Variants in ERBB4 observed in about 807,000 individuals in gnomAD.
ERBB4 encodes receptor tyrosine-protein kinase erbB-4.
A neutral mutation model predicts 158.0 loss-of-function variants in ERBB4; 42 were observed. The observed-to-expected ratio is 0.27, with a 90% CI of 0.21 to 0.34. The LOEUF (loss-of-function observed/expected upper bound fraction) is 0.34. Ranked by LOEUF, ERBB4 falls within the 10% of genes least tolerant of loss-of-function variation. The pLI is 1.00. For synonymous variants in ERBB4, 583 were observed against 558.7 expected (o/e 1.04, Z -0.61); for missense variants, 1,333 against 1,624.1 (o/e 0.82, Z 3.08).
At chr2:212,026,949 TTAA>T (rs1470341162) in intron 2 of ERBB4, among the ~76,000 whole-genome samples, 3 of 151,934 alleles carry the variant, frequency 2.0e-5, no homozygotes, top group African/African-American at 4.8e-5. Flanking sequence ...AACATACTAT[TTAA>T]TAATGTTATA....
intron 1 of ERBB4, among the ~76,000 whole-genome samples, chr2:212,181,866 G>T (rs2081877045): frequency 6.6e-6 from 1 of 151,478 alleles, no homozygotes; most frequent in Non-Finnish European, 1.5e-5. Flanking sequence ...ACCCACAAAG[G>T]GGCAGTTACT....
At chr2:211,667,887 T>C (rs1559398148) in intron 14 of ERBB4, among the ~76,000 whole-genome samples, 1 of 152,244 alleles carries the variant, frequency 6.6e-6, no homozygotes, top group African/African-American at 2.4e-5. Flanking sequence ...TTTTGTTCTT[T>C]GTTTTTTAAG....
chr2:212,329,404 G>GA (rs1293684496), intron 1 of ERBB4, among the ~76,000 whole-genome samples: 1 of 152,038 alleles, frequency 6.6e-6, no homozygotes, highest in Non-Finnish European at 1.5e-5. Context: ...CACTGTAATG[G>GA]AAAAACAGTA....
intron 1 of ERBB4, among the ~76,000 whole-genome samples, chr2:212,425,440 T>TATA (rs2091893166): frequency 7.8e-6 from 1 of 127,732 alleles, no homozygotes; most frequent in African/African-American, 3.7e-5. Flanking sequence ...CCTTATATAT[T>TATA]TATACAATAA....
chr2:211,849,406 T>C (rs985026111), intron 3 of ERBB4, among the ~76,000 whole-genome samples: 4 of 152,140 alleles, frequency 2.6e-5, no homozygotes, highest in East Asian at 1.9e-4. Context: ...CCTACTTCTA[T>C]ATTACAATTA....
At chr2:211,479,827 CAATAT>C (rs2065039785) in intron 20 of ERBB4, among the ~76,000 whole-genome samples, 1 of 152,218 alleles carries the variant, frequency 6.6e-6, no homozygotes, top group Admixed American at 6.6e-5. Context: ...GCTCAAATTA[CAATAT>C]GTTATATATG....
intron 2 of ERBB4, among the ~76,000 whole-genome samples, chr2:212,084,451 CAAAT>C (rs1350187351): frequency 6.6e-6 from 1 of 151,852 alleles, no homozygotes; most frequent in Non-Finnish European, 1.5e-5. Context: ...CTCAGATTCT[CAAAT>C]AAAGAAAATT....
In ERBB4 at chr2:211,383,527, G is replaced by C. The variant is rs2062614253; in HGVS notation, c.*88C>G. 9.3e-7 allele frequency: 1 copy of C among 1,079,594 alleles called. No individual in the cohort carries two copies. Among genetic ancestry groups the C allele is most frequent in the Non-Finnish European group, 1.4e-6 (1 of 701,378 alleles). 66.9% of individuals were successfully genotyped at this position (1,079,594 alleles called of 1,614,324 possible). On this transcript the variant is annotated 3_prime_UTR_variant, in exon 28 of 28. Coordinates refer to ENST00000342788, the MANE Select transcript of ERBB4 (RefSeq NM_005235.3). Reference sequence around the variant, plus strand: ...GGGAAGTGTCAAAACTACTGGCCTTGGGGTAGAAGGAAGACCACCAGAGAA... The same window carrying C: ...GGGAAGTGTCAAAACTACTGGCCTTCGGGTAGAAGGAAGACCACCAGAGAA...
In ERBB4 at chr2:212,424,702, A is replaced by AT. The variant is rs556802850; in HGVS notation, c.82+113746dup. Among the ~76,000 whole-genome samples the AT allele has an allele frequency of 7.2e-3, 1,090 of 151,658 alleles. 14 individuals are homozygous for AT. The highest frequency in any genetic ancestry group is 0.025 in the African/African-American group (1,031 of 41,384). ...AAACTAGATTACCCTGGATTAACAA[A>AT]TTTTTTTTTGTTTTCTTTTTTTGTT... is the stretch of plus-strand genomic sequence containing the variant. On this transcript the variant is annotated intron_variant, in intron 1 of 27. Transcript: ENST00000342788.
chr2:212,170,177 T>C (rs564325505), intron 1 of ERBB4, among the ~76,000 whole-genome samples: 1 of 152,272 alleles, frequency 6.6e-6, no homozygotes, highest in South Asian at 2.1e-4. Context: ...CTGACAATGA[T>C]ATGAACAATG....
At chr2:211,556,925 G>A (rs2067251166) in intron 20 of ERBB4, among the ~76,000 whole-genome samples, 1 of 151,994 alleles carries the variant, frequency 6.6e-6, no homozygotes, top group African/African-American at 2.4e-5. Context: ...ATAAACCAAT[G>A]GAATAGAAGA....
At chr2:211,934,620 A>G (rs1375243180) in intron 3 of ERBB4, among the ~76,000 whole-genome samples, 1 of 152,008 alleles carries the variant, frequency 6.6e-6, no homozygotes, top group African/African-American at 2.4e-5. Flanking sequence ...TAAGATTTAT[A>G]GAAGACATCA....
At chr2:212,220,829 T>A (rs551033604) in intron 1 of ERBB4, among the ~76,000 whole-genome samples, 7 of 151,600 alleles carry the variant, frequency 4.6e-5, no homozygotes, top group African/African-American at 1.7e-4. Flanking sequence ...CTTATCCTGT[T>A]GTTAATGTGT....
chr2:211,424,448 T>TCCATTATGAGAA lies in ERBB4; in HGVS notation c.2720-159_2720-148dup, dbSNP rs1227549248. On this transcript the variant is annotated intron_variant, in intron 22 of 27. Transcript: ENST00000342788. ...AAAAAAAGCTCCATAAATTCCTGCATCCATTATGAGAACCCCAATGTCAAA... is the reference window on the plus strand; with the variant it reads ...AAAAAAAGCTCCATAAATTCCTGCATCCATTATGAGAACCATTATGAGAACCCCAATGTCAAA... 1.1e-5 allele frequency: 7 copies of TCCATTATGAGAA among 635,766 alleles called. No individual in the cohort carries two copies. In the African/African-American group the frequency reaches 1.3e-4, roughly 12 times the overall value. The allele number at this position is 635,766 out of a possible 1,614,324, so 39.4% of individuals were successfully genotyped here.
intron 2 of ERBB4, among the ~76,000 whole-genome samples, chr2:212,046,422 G>A (rs760758350): frequency 1.3e-5 from 2 of 152,172 alleles, no homozygotes; most frequent in Admixed American, 6.5e-5. Flanking sequence ...TGGTAAGGGA[G>A]TATTTTGCTG....
intron 1 of ERBB4, among the ~76,000 whole-genome samples, chr2:212,447,723 T>G (rs1219005415): frequency 1.3e-5 from 2 of 152,076 alleles, no homozygotes; most frequent in Admixed American, 1.3e-4. Context: ...AGTATAAAGC[T>G]AATTCTCTGT....
At chr2:212,185,995 T>C (rs1230489976) in intron 1 of ERBB4, among the ~76,000 whole-genome samples, 1 of 152,192 alleles carries the variant, frequency 6.6e-6, no homozygotes, top group East Asian at 1.9e-4. Context: ...AATTTGTATT[T>C]GATCAAAACA....
At chr2:212,211,542 A>C (rs955327905) in intron 1 of ERBB4, among the ~76,000 whole-genome samples, 1 of 152,102 alleles carries the variant, frequency 6.6e-6, no homozygotes, top group African/African-American at 2.4e-5. Context: ...ATGAAGTAAC[A>C]AAACCTACTT....
chr2:212,311,593 T>C lies in ERBB4; in HGVS notation c.83-186690A>G, dbSNP rs74575924. On this transcript the variant is annotated intron_variant, in intron 1 of 27. Coordinates refer to ENST00000342788, the MANE Select transcript of ERBB4 (RefSeq NM_005235.3). ...TCTTTAAATGCCTACTTTCAGACTA[T>C]TGTCTGGAGAGAATCAAAACTATAT... Among the ~76,000 whole-genome samples the C allele has an allele frequency of 5.7e-3, 865 of 151,140 alleles. 5 individuals are homozygous for C. The highest frequency in any genetic ancestry group is 0.017 in the Middle Eastern group (5 of 294).
Sources: gnomAD v4.1 joint callset for allele counts (sites outside exome capture counted in the v4.1 genomes callset) on GRCh38, gnomAD v4.1.1 for gene constraint, MANE v1.5 for transcripts, NCBI Gene and HGNC (gene_info 2026-07-23, HGNC 2026-07-21) for gene names.